The following SLC8A1 variants were observed in gnomAD, a reference collection of about 807,000 sequenced individuals.
SLC8A1 encodes solute carrier family 8 member A1.
In SLC8A1, 18 loss-of-function variants were observed where a neutral mutation model predicts 68.3. That is an observed-to-expected ratio of 0.26 (90% confidence interval 0.18 to 0.39). SLC8A1 has a LOEUF of 0.39. Ranked by LOEUF, SLC8A1 falls within the 10% of genes least tolerant of loss-of-function variation. SLC8A1 has a pLI of 1.00. For synonymous variants in SLC8A1, 475 were observed against 415.5 expected, an observed-to-expected ratio of 1.14 and a Z score of -1.74; for missense variants, 985 against 1,156.7, an observed-to-expected ratio of 0.85 and a Z score of 2.15.
intron 2 of SLC8A1, among the ~76,000 whole-genome samples, chr2:40,294,773 C>G (rs1338541155): frequency 6.6e-6 from 1 of 152,138 alleles, no homozygotes; most frequent in African/African-American, 2.4e-5. Flanking sequence ...ATTTCACCCC[C>G]ACTTTAAAAA....
chr2:40,396,011 A>G (rs1384739440), intron 2 of SLC8A1, among the ~76,000 whole-genome samples: 1 of 152,162 alleles, frequency 6.6e-6, no homozygotes, highest in Non-Finnish European at 1.5e-5. Context: ...ACACTTGGCT[A>G]TGCATTTCCT....
At chr2:40,366,791 A>G (rs918648316) in intron 2 of SLC8A1, among the ~76,000 whole-genome samples, 2 of 150,988 alleles carry the variant, frequency 1.3e-5, no homozygotes, top group Non-Finnish European at 3.0e-5. Context: ...CACAAATGCC[A>G]TTTGAAAATG....
At chr2:40,504,975 G>T (rs1706275049) in intron 1 of SLC8A1, among the ~76,000 whole-genome samples, 1 of 151,842 alleles carries the variant, frequency 6.6e-6, no homozygotes, top group South Asian at 2.1e-4. Context: ...TGCAAAAAAG[G>T]ATATCAATAT....
intron 2 of SLC8A1, among the ~76,000 whole-genome samples, chr2:40,252,972 C>CATATATGTATATACAT (rs1553453118): frequency 1.4e-5 from 1 of 73,574 alleles, no homozygotes; most frequent in African/African-American, 4.9e-5. Flanking sequence ...TATGTATGTA[C>CATATATGTATATACAT]ATATATGTAT....
At chr2:40,411,897 T>C (rs548811190) in intron 2 of SLC8A1, among the ~76,000 whole-genome samples, 68 of 152,236 alleles carry the variant, frequency 4.5e-4, no homozygotes, top group African/African-American at 1.6e-3. Context: ...TATTTTATAA[T>C]CAATAACTCA....
chr2:40,097,670 T>C (rs2033653475), exon 8 of SLC8A1: 1 of 152,040 alleles, frequency 6.6e-6, no homozygotes, highest in African/African-American at 2.4e-5. Flanking sequence ...GAAATGATAG[T>C]ATGGTTGAAA....
chr2:40,307,965 TAA>T (rs995556678), intron 2 of SLC8A1, among the ~76,000 whole-genome samples: 3 of 151,944 alleles, frequency 2.0e-5, no homozygotes, highest in Non-Finnish European at 2.9e-5. Context: ...GAAGACCTGC[TAA>T]AAGAGTCAGA....
intron 1 of SLC8A1, among the ~76,000 whole-genome samples, chr2:40,485,684 T>G (rs1387966894): frequency 6.6e-6 from 1 of 152,166 alleles, no homozygotes; most frequent in Non-Finnish European, 1.5e-5. Flanking sequence ...TTTTATTCAT[T>G]GATAAAACTC....
chr2:40,455,135 T>A (rs1489439408), upstream of SLC8A1, among the ~76,000 whole-genome samples: 3 of 152,192 alleles, frequency 2.0e-5, no homozygotes, highest in Non-Finnish European at 4.4e-5. Flanking sequence ...GATGTTCTGA[T>A]GTTCACAAAC....
intron 1 of SLC8A1, among the ~76,000 whole-genome samples, chr2:40,493,300 A>G (rs922960450): frequency 1.1e-4 from 15 of 135,858 alleles, no homozygotes; most frequent in African/African-American, 4.1e-4. Context: ...AACAATGAGA[A>G]CACATGGACA....
intron 2 of SLC8A1, among the ~76,000 whole-genome samples, chr2:40,381,766 G>C (rs762003342): frequency 6.6e-6 from 1 of 151,170 alleles, no homozygotes; most frequent in African/African-American, 2.4e-5. Context: ...CTCCTAGATA[G>C]TATCAAGGAA....
At chr2:40,164,161 G>GGAGACAGA (rs2046153410) in intron 5 of SLC8A1, among the ~76,000 whole-genome samples, 1 of 151,206 alleles carries the variant, frequency 6.6e-6, no homozygotes, top group African/African-American at 2.4e-5. Flanking sequence ...AGGGATGGGA[G>GGAGACAGA]GGGACAGAGG....
intron 2 of SLC8A1, among the ~76,000 whole-genome samples, chr2:40,425,497 C>T (rs1696619956): frequency 1.3e-5 from 2 of 151,702 alleles, no homozygotes; most frequent in Admixed American, 1.3e-4. Flanking sequence ...TAGGCTTTTC[C>T]AGGAATCTCT....
At chr2:40,294,580 A>C (rs1288986962) in intron 2 of SLC8A1, among the ~76,000 whole-genome samples, 1 of 152,166 alleles carries the variant, frequency 6.6e-6, no homozygotes, top group Non-Finnish European at 1.5e-5. Context: ...AGAGGGATAC[A>C]TTCCTTACAA....
At chr2:40,202,040 G>A (rs13408531) in intron 2 of SLC8A1, among the ~76,000 whole-genome samples, 20,502 of 151,962 alleles carry the variant, frequency 0.13, 1,489 homozygotes, top group African/African-American at 0.16. Flanking sequence ...GTGTGTACAC[G>A]TGGAGGTGTG....
intron 2 of SLC8A1, among the ~76,000 whole-genome samples, chr2:40,202,138 G>A (rs976019456): frequency 6.6e-6 from 1 of 151,948 alleles, no homozygotes; most frequent in Non-Finnish European, 1.5e-5. Flanking sequence ...TGCAAGGAAT[G>A]AAAATTAATC....
intron 2 of SLC8A1, among the ~76,000 whole-genome samples, chr2:40,275,302 T>C (rs1020466466): frequency 1.3e-5 from 2 of 152,206 alleles, no homozygotes; most frequent in African/African-American, 4.8e-5. Flanking sequence ...TTTTTGTTAT[T>C]ATCTGACCAA....
intron 1 of SLC8A1, among the ~76,000 whole-genome samples, chr2:40,437,273 T>C (rs1035269434): frequency 2.0e-5 from 3 of 152,176 alleles, no homozygotes; most frequent in East Asian, 3.9e-4. Flanking sequence ...GTACTTAACC[T>C]GCCATGCTGC....
chr2:40,370,738 C>A (rs1677764653), intron 2 of SLC8A1, among the ~76,000 whole-genome samples: 1 of 152,044 alleles, frequency 6.6e-6, no homozygotes, highest in Non-Finnish European at 1.5e-5. Context: ...CTAATACCAA[C>A]TCCAGTATTT....
Sources: gnomAD v4.1 joint callset for allele counts (sites outside exome capture counted in the v4.1 genomes callset) on GRCh38, gnomAD v4.1.1 for gene constraint, MANE v1.5 for transcripts, NCBI Gene and HGNC (gene_info 2026-07-23, HGNC 2026-07-21) for gene names.